Variants in SPATA31F1 observed in about 807,000 individuals in gnomAD.
SPATA31F1 encodes protein SPATA31F1.
At chr9:34,724,103 C>T in the SPATA31F1 span, 20 of 1,528,284 alleles carry the variant, frequency 1.3e-5, no homozygotes, top group South Asian at 1.9e-4. Context: ...CTCTCTGTTT[C>T]CTGCTAGCAT....
chr9:34,729,415 T>C, the SPATA31F1 span: 7 of 1,550,178 alleles, frequency 4.5e-6, no homozygotes, highest in Admixed American at 7.9e-5. Flanking sequence ...AGAACAAAAG[T>C]AGGGCTCAAC....
At chr9:34,729,308 T>G in the SPATA31F1 span, 1 of 1,552,196 alleles carries the variant, frequency 6.4e-7, no homozygotes, top group Non-Finnish European at 8.7e-7. Flanking sequence ...TTTTAGGTTC[T>G]GAACTCAATT....
the SPATA31F1 span, chr9:34,728,092 G>A: frequency 1.4e-5 from 22 of 1,551,456 alleles, no homozygotes; most frequent in Admixed American, 5.9e-5. Flanking sequence ...GCTGAGGAAC[G>A]GGGAGACAGT....
At chr9:34,724,968 G>A in the SPATA31F1 span, 2 of 1,551,830 alleles carry the variant, frequency 1.3e-6, no homozygotes, top group Non-Finnish European at 1.7e-6. Flanking sequence ...AGCTTAGGGT[G>A]TTCAGTGACA....
the SPATA31F1 span, chr9:34,724,314 G>T: frequency 1.3e-6 from 2 of 1,551,382 alleles, no homozygotes; most frequent in Non-Finnish European, 1.7e-6. Context: ...GATTGCTTTT[G>T]GTTCTGCTGC....
the SPATA31F1 span, chr9:34,724,236 T>C: frequency 1.4e-5 from 22 of 1,551,412 alleles, no homozygotes; most frequent in Non-Finnish European, 1.8e-5. Context: ...GCCTCTGTCA[T>C]GTCCCCACTG....
the SPATA31F1 span, chr9:34,726,991 A>G: frequency 6.5e-7 from 1 of 1,543,928 alleles, no homozygotes; most frequent in Middle Eastern, 1.7e-4. Flanking sequence ...AGCCCTGGCT[A>G]GGAAGGGAAA....
the SPATA31F1 span, chr9:34,726,555 T>G: frequency 1.1e-4 from 169 of 1,551,952 alleles, no homozygotes; most frequent in Admixed American, 1.4e-3. Flanking sequence ...AGTGGAGCCC[T>G]TGGCTTCTCA....
chr9:34,724,460 T>C, the SPATA31F1 span: 29 of 1,551,540 alleles, frequency 1.9e-5, no homozygotes, highest in East Asian at 6.6e-4. Flanking sequence ...AAGAGACTTC[T>C]GTGTGGATAT....
At chr9:34,728,287 T>C in the SPATA31F1 span, among the ~76,000 whole-genome samples, 1 of 152,242 alleles carries the variant, frequency 6.6e-6, no homozygotes. Flanking sequence ...CACAATGTGA[T>C]TGAGGCAGGA....
the SPATA31F1 span, chr9:34,724,811 A>G: frequency 2.6e-6 from 4 of 1,551,286 alleles, no homozygotes; most frequent in Non-Finnish European, 3.5e-6. Context: ...CATCTCTGTG[A>G]TGACAGATTG....
the SPATA31F1 span, chr9:34,728,785 G>T: frequency 1.2e-6 from 1 of 852,350 alleles, no homozygotes; most frequent in Non-Finnish European, 1.9e-6. Flanking sequence ...ACACTCTCCT[G>T]GACTTCCTTT....
At chr9:34,723,911 T>A in the SPATA31F1 span, 1 of 1,551,600 alleles carries the variant, frequency 6.4e-7, no homozygotes, top group Non-Finnish European at 8.7e-7. Flanking sequence ...GGGGCTGTGT[T>A]GACAGGGATC....
chr9:34,725,079 A>G, the SPATA31F1 span: 10 of 1,551,688 alleles, frequency 6.4e-6, no homozygotes, highest in South Asian at 3.6e-5. Context: ...AGTTCCAGGA[A>G]CTGGCTTTCT....
chr9:34,723,108 T>C, the SPATA31F1 span: 1 of 1,205,768 alleles, frequency 8.3e-7, no homozygotes, highest in South Asian at 1.6e-5. Context: ...TGCACATTTA[T>C]GGAAATGACA....
the SPATA31F1 span, chr9:34,729,471 G>T: frequency 8.6e-6 from 13 of 1,519,318 alleles, no homozygotes; most frequent in Non-Finnish European, 1.1e-5. Context: ...CCTCTATCTC[G>T]GAATTCAGGG....
At chr9:34,723,639 G>C in the SPATA31F1 span, 1 of 1,551,658 alleles carries the variant, frequency 6.4e-7, no homozygotes, top group Non-Finnish European at 8.7e-7. Context: ...GGCTTCTTTT[G>C]AGCATGGACT....
the SPATA31F1 span, chr9:34,726,303 G>A: frequency 2.9e-5 from 44 of 1,527,212 alleles, no homozygotes; most frequent in Non-Finnish European, 3.5e-5. Flanking sequence ...TCCTCCACAC[G>A]TCTTGGGAGC....
At chr9:34,723,260 C>T in the SPATA31F1 span, 1 of 1,551,692 alleles carries the variant, frequency 6.4e-7, no homozygotes, top group South Asian at 1.2e-5. Flanking sequence ...TTTGTTGGCA[C>T]AAGCCTCTCG....
Sources: allele counts gnomAD v4.1 joint callset (sites outside exome capture counted in the v4.1 genomes callset), GRCh38; gene constraint gnomAD v4.1.1; transcripts MANE v1.5; gene names NCBI Gene and HGNC (gene_info 2026-07-23, HGNC 2026-07-21).